Variants in SLCO4A1 observed in about 807,000 individuals in gnomAD.
SLCO4A1 encodes the protein colon organic anion transporter.
A neutral mutation model predicts 64.6 loss-of-function variants in SLCO4A1; 51 were observed. The ratio of observed to expected loss-of-function variants is 0.79; its 90% CI spans 0.63 to 1.00. The LOEUF (loss-of-function observed/expected upper bound fraction) is 1.00. Ranked by LOEUF, SLCO4A1 falls within the 50% of genes least tolerant of loss-of-function variation. The pLI, the probability that SLCO4A1 is intolerant of heterozygous loss-of-function variation, is 0.00. For synonymous variants in SLCO4A1, 471 were observed against 444.9 expected (o/e 1.06, Z -0.74); for missense variants, 919 against 980.5 (o/e 0.94, Z 0.84).
chr20:62,675,617 C>T (rs1453334278), downstream of SLCO4A1, among the ~76,000 whole-genome samples: 2 of 152,218 alleles, frequency 1.3e-5, no homozygotes, highest in South Asian at 2.1e-4. Context: ...CCTGATGACC[C>T]AGCCTCTGTG....
chr20:62,659,986 C>T (rs1984464580), intron 3 of SLCO4A1, among the ~76,000 whole-genome samples: 1 of 152,246 alleles, frequency 6.6e-6, no homozygotes, highest in African/African-American at 2.4e-5. Context: ...ACAACAGTCC[C>T]TTCGTGGGGA....
downstream of SLCO4A1, among the ~76,000 whole-genome samples, chr20:62,687,412 G>A (rs547841532): frequency 6.6e-6 from 1 of 152,400 alleles, no homozygotes; most frequent in South Asian, 2.1e-4. Context: ...AGCAGGCCAA[G>A]GAGGCGGAAG....
chr20:62,658,587 C>G, intron 2 of SLCO4A1, 90 bp from the exon 3 acceptor site: 1 of 989,182 alleles, frequency 1.0e-6, no homozygotes, highest in Non-Finnish European at 1.5e-6. Context: ...ATGGCGGGTG[C>G]GGGGCTTCTC....
chr20:62,647,409 T>C (rs1981547978), intron 1 of SLCO4A1, among the ~76,000 whole-genome samples: 2 of 152,162 alleles, frequency 1.3e-5, no homozygotes, highest in Non-Finnish European at 2.9e-5. Flanking sequence ...GTGCCTGGGC[T>C]GGAATCTGAA....
chr20:62,667,229 G>A (rs1156670426), intron 7 of SLCO4A1, among the ~76,000 whole-genome samples: 3 of 152,232 alleles, frequency 2.0e-5, no homozygotes, highest in Non-Finnish European at 2.9e-5. Context: ...ACTGTGAAGT[G>A]GGAAAAAGGA....
At chr20:62,665,201 T>G in intron 6 of SLCO4A1, 113 bp downstream of exon 6, 1 of 1,220,474 alleles carries the variant, frequency 8.2e-7, no homozygotes, top group Non-Finnish European at 1.1e-6. Context: ...GTGAGTGCCC[T>G]CCCACCCCCG....
chr20:62,666,234 G>A (rs544328622), intron 6 of SLCO4A1, 146 bp from the exon 7 acceptor site: 2 of 635,016 alleles, frequency 3.1e-6, no homozygotes, highest in East Asian at 5.6e-5. Flanking sequence ...GCACTCAGGT[G>A]TGGTGTTGAG....
At chr20:62,666,217 C>G (rs916066687) in intron 6 of SLCO4A1, among the ~76,000 whole-genome samples, 163 bp from the exon 7 acceptor site, 3 of 150,318 alleles carry the variant, frequency 2.0e-5, no homozygotes, top group African/African-American at 7.4e-5. Context: ...ATCAGCGCAA[C>G]AGCTAAGCAC....
rs1292404850 is a variant in SLCO4A1 at position 62,661,442 on chromosome 20, A to G, written c.1121+267A>G. On this transcript the variant is annotated intron_variant, in intron 5 of 11. Transcript: ENST00000217159. The surrounding 1 kb of genome is among the most constrained non-coding windows in gnomAD (Gnocchi z 5.2). Reference sequence around the variant, plus strand: ...CACCCAGGGAGCCATCACTTCACTCATACAGTGTGGAGACTCCTGTGGGCT... The same window carrying G: ...CACCCAGGGAGCCATCACTTCACTCGTACAGTGTGGAGACTCCTGTGGGCT... Among the ~76,000 whole-genome samples the G allele has an allele frequency of 1.3e-5, 2 of 151,974 alleles. No individual in the cohort carries two copies. The highest frequency in any genetic ancestry group is 2.9e-5 in the Non-Finnish European group (2 of 67,960).
rs554990110 is a variant in SLCO4A1 at position 62,664,937 on chromosome 20, C to A, written c.1125C>A (p.Ser375=). 6.2e-7 allele frequency: 1 copy of A among 1,605,958 alleles called. No individual in the cohort carries two copies. The highest frequency in any genetic ancestry group is 1.1e-5 in the South Asian group (1 of 89,502). The change falls in exon 6 of 12, where the codon TCC becomes TCA. Residue 375 remains serine, a synonymous_variant. Coordinates refer to ENST00000217159, the MANE Select transcript of SLCO4A1 (RefSeq NM_016354.4). ...FGKTIRDLPL[S]IWLLLKNPTF... The stretch of plus-strand genomic sequence containing the variant: ...CCACACCCCCACCTCTGCCCAGCTC[C>A]ATCTGGCTCCTGCTGAAGAACCCCA...
intron 4 of SLCO4A1, 128 bp downstream of exon 4, chr20:62,660,661 C>T (rs1984612182): frequency 2.6e-6 from 3 of 1,154,324 alleles, no homozygotes; most frequent in East Asian, 2.4e-5. Context: ...CACCCTCATT[C>T]TCAGTGTTCT....
Position 62,666,409 on chromosome 20 carries a change from G to A in SLCO4A1, c.1306G>A (p.Gly436Ser), listed in dbSNP as rs780310233. Residue 436 changes from glycine to serine, a missense_variant, in exon 7 of 12, where the codon GGC becomes AGC. Coordinates refer to ENST00000217159, the MANE Select transcript of SLCO4A1 (RefSeq NM_016354.4). ...CCTGGTGGTGCCAGCGGGTGGTGGC[G>A]GCACCTTCCTGGGCGGCTTCTTTGT... ...GYLVVPAGGG[G>S]TFLGGFFVNK... 42 of 1,612,822 alleles carry A rather than the reference G, an allele frequency of 2.6e-5. No homozygotes were observed. The highest frequency in any genetic ancestry group is 6.7e-5 in the East Asian group (3 of 44,858).
Position 62,661,137 on chromosome 20 carries a change from C to A in SLCO4A1, c.1083C>A (p.Ser361Arg). 6.3e-7 allele frequency: 1 copy of A among 1,591,906 alleles called. No homozygotes were observed. The highest frequency in any genetic ancestry group is 8.6e-7 in the Non-Finnish European group (1 of 1,166,124). Reference sequence around the variant, plus strand: ...AGGACAGCAGCCGTGGGGAGGCGAGCAACCCGGACTTTGGGAAAACCATCA... The same window carrying A: ...AGGACAGCAGCCGTGGGGAGGCGAGAAACCCGGACTTTGGGAAAACCATCA... The part of the protein sequence containing the change: ...QLKDSSRGEA[S>R]NPDFGKTIRD... Residue 361 changes from serine (S) to arginine (R), a missense_variant, in exon 5 of 12, where the codon AGC becomes AGA. Ser to Arg is a moderately radical substitution (Grantham distance 110). Coordinates refer to ENST00000217159, the MANE Select transcript of SLCO4A1 (RefSeq NM_016354.4). The surrounding 1 kb of genome is among the most constrained non-coding windows in gnomAD (Gnocchi z 5.2).
At chr20:62,666,115 C>CCTT (rs1986222631) in intron 6 of SLCO4A1, 4 of 19,616 alleles carry the variant, frequency 2.0e-4, no homozygotes, top group Non-Finnish European at 3.0e-4. Flanking sequence ...GCCCCGCCCC[C>CCTT]CCGCTCCCCC....
chr20:62,658,632 C>T lies in SLCO4A1; in HGVS notation c.797-45C>T, dbSNP rs746085219. ...GGGCCCCACACGGCCCTCCGCAGCC[C>T]CTGGGTGGTGCACAGCGGCCCTGAC... On this transcript the variant is annotated intron_variant, in intron 2 of 11. Transcript: ENST00000217159. 18 of 1,518,020 alleles carry T rather than the reference C, an allele frequency of 1.2e-5. No homozygotes were observed. The African/African-American group carries it at 2.3e-4, about 20-fold the overall frequency. The allele number at this position is 1,518,020 out of a possible 1,614,324, so 94.0% of individuals were successfully genotyped here. A position where few individuals can be genotyped will look rare whatever the true frequency, so the allele number is the denominator to read the frequency against.
In SLCO4A1 at chr20:62,660,508, C is replaced by T; in HGVS notation, c.984C>T (p.Ile328=). Residue 328 remains isoleucine (I), a synonymous_variant, in exon 4 of 12, where the codon ATC becomes ATT. Transcript: ENST00000217159. ...GAAAFFTAVP[I]LGYPRQLPGS... ...CTGCTTTCTTCACCGCCGTTCCCAT[C>T]CTTGGTTACCCTCGGCAGCTGCCAG... The T allele has an allele frequency of 1.9e-6, 3 of 1,605,730 alleles. No individual in the cohort carries two copies. The highest frequency in any genetic ancestry group is 2.5e-6 in the Non-Finnish European group (3 of 1,179,948).
chr20:62,654,690 G>A (rs748489177), intron 1 of SLCO4A1, among the ~76,000 whole-genome samples: 1 of 152,232 alleles, frequency 6.6e-6, no homozygotes, highest in East Asian at 1.9e-4. Flanking sequence ...GTGATGTTTC[G>A]TGGGCTGAAT....
chr20:62,689,416 C>T (rs1237413343), downstream of SLCO4A1, among the ~76,000 whole-genome samples: 1 of 152,232 alleles, frequency 6.6e-6, no homozygotes, highest in East Asian at 1.9e-4. Context: ...AGCCAGGGCT[C>T]GCAGACATCA....
chr20:62,675,836 G>A (rs1457771446), downstream of SLCO4A1, among the ~76,000 whole-genome samples: 1 of 152,194 alleles, frequency 6.6e-6, no homozygotes, highest in Non-Finnish European at 1.5e-5. Context: ...CGTCCTGGGA[G>A]GAGCCCCTGG....
Sources: allele counts gnomAD v4.1 joint callset (sites outside exome capture counted in the v4.1 genomes callset), GRCh38; gene constraint gnomAD v4.1.1; non-coding constraint Gnocchi (gnomAD v3.1); transcripts MANE v1.5; gene names NCBI Gene and HGNC (gene_info 2026-07-23, HGNC 2026-07-21).